MTSS1: variants seen among roughly 807,000 people sequenced by gnomAD.
MTSS1 encodes protein MTSS 1.
In MTSS1, 18 loss-of-function variants were observed where a neutral mutation model predicts 79.0. That is an observed-to-expected ratio of 0.23 (90% CI 0.16 to 0.34). The LOEUF (loss-of-function observed/expected upper bound fraction) is 0.34, where lower values mean the gene tolerates loss of function less well. Among genes scored for constraint, MTSS1 ranks in the 10% least tolerant of loss-of-function variants. MTSS1 has a pLI of 1.00. For missense variants in MTSS1, 815 were observed against 986.2 expected, an observed-to-expected ratio of 0.83 and a Z score of 2.33; for synonymous variants, 341 against 368.6, an observed-to-expected ratio of 0.93 and a Z score of 0.86.
rs571272815 is a variant in MTSS1 at position 124,581,965 on chromosome 8, T to G, written c.460+3122A>C. On this transcript the variant is annotated intron_variant, in intron 6 of 13. Coordinates refer to ENST00000518547, the MANE Select transcript of MTSS1 (RefSeq NM_014751.6). ...GATTATCATGGAGCAGGAAGAGGGC[T>G]CAAGAGACACTGTTCAGAGCCTGGG... is the stretch of plus-strand genomic sequence containing the variant. 1.1e-4 allele frequency among the ~76,000 whole-genome samples: 17 copies of G among 152,182 alleles called. No homozygotes were observed. In the East Asian group the frequency reaches 1.7e-3, roughly 16 times the overall value.
At chr8:124,684,586 T>C (rs1223987610) in intron 3 of MTSS1, among the ~76,000 whole-genome samples, 1 of 152,320 alleles carries the variant, frequency 6.6e-6, no homozygotes, top group South Asian at 2.1e-4. Context: ...AGAAAAGGCA[T>C]ATATTTGACC....
At chr8:124,679,932 T>C (rs139874568) in intron 3 of MTSS1, among the ~76,000 whole-genome samples, 13 of 152,330 alleles carry the variant, frequency 8.5e-5, no homozygotes, top group Non-Finnish European at 7.3e-5. Context: ...GTACCCACTA[T>C]TTTGGGATTT....
At chr8:124,630,803 C>G (rs1007480135) in intron 3 of MTSS1, among the ~76,000 whole-genome samples, 1 of 152,190 alleles carries the variant, frequency 6.6e-6, no homozygotes, top group African/African-American at 2.4e-5. Context: ...AAAAAATGAC[C>G]AGCTGGCTCT....
In MTSS1 at chr8:124,658,678, G is replaced by C. The variant is rs1022903397; in HGVS notation, c.208+40848C>G. Reference sequence around the variant, plus strand: ...CTGAAGCAGGAGGGAGAGACAGAAGGGGGAGGTGCCACACACTTCTAAACA... The same window carrying C: ...CTGAAGCAGGAGGGAGAGACAGAAGCGGGAGGTGCCACACACTTCTAAACA... On this transcript the variant is annotated intron_variant, in intron 3 of 13. Coordinates refer to ENST00000518547, the MANE Select transcript of MTSS1 (RefSeq NM_014751.6). Among the ~76,000 whole-genome samples, 51 of 152,238 alleles carry C rather than the reference G, an allele frequency of 3.4e-4. 1 individual carries two copies. Among genetic ancestry groups the C allele is most frequent in the African/African-American group, 1.1e-3 (47 of 41,560 alleles).
intron 6 of MTSS1, chr8:124,577,716 G>A (rs1829251478): frequency 4.2e-6 from 2 of 475,860 alleles, no homozygotes; most frequent in Middle Eastern, 4.3e-4. Flanking sequence ...CCTGGGCTTA[G>A]CCTCGAAGAA....
chr8:124,622,083 AGAGAGAG>A (rs771504766), intron 3 of MTSS1, among the ~76,000 whole-genome samples: 4 of 151,806 alleles, frequency 2.6e-5, no homozygotes, highest in Admixed American at 6.6e-5. Flanking sequence ...AGAGAGAGAG[AGAGAGAG>A]AGAGAGAATA....
At chr8:124,721,274 C>T (rs13270049) in intron 1 of MTSS1, among the ~76,000 whole-genome samples, 74,844 of 151,252 alleles carry the variant, frequency 0.49, 19,048 homozygotes, top group Middle Eastern at 0.58. Context: ...TAGTGGCTCA[C>T]GTATTTAACA....
chr8:124,699,220 A>C (rs986389843), intron 3 of MTSS1: 1 of 302,938 alleles, frequency 3.3e-6, no homozygotes, highest in African/African-American at 2.2e-5. Context: ...AATTGCAACC[A>C]AAGGCACAGC....
Position 124,597,545 on chromosome 8 carries a change from G to A in MTSS1, c.209-6310C>T, listed in dbSNP as rs1393949198. Among the ~76,000 whole-genome samples the A allele has an allele frequency of 6.6e-6, 1 of 152,218 alleles. No individual in the cohort carries two copies. Among genetic ancestry groups the A allele is most frequent in the African/African-American group, 2.4e-5 (1 of 41,452 alleles). Reference sequence around the variant, plus strand: ...CTGGCAGCGACAGGCAGGACGGTGGGTCCTTCGAGTGGCATTGTCCTGTCC... The same window carrying A: ...CTGGCAGCGACAGGCAGGACGGTGGATCCTTCGAGTGGCATTGTCCTGTCC... On this transcript the variant is annotated intron_variant, in intron 3 of 13. Coordinates refer to ENST00000518547, the MANE Select transcript of MTSS1 (RefSeq NM_014751.6). This position sits in a 1 kb window ranked among gnomAD's most constrained non-coding sequence, Gnocchi z 4.6.
intron 3 of MTSS1, among the ~76,000 whole-genome samples, chr8:124,610,302 C>T (rs1835573771): frequency 6.6e-6 from 1 of 152,134 alleles, no homozygotes; most frequent in Non-Finnish European, 1.5e-5. Flanking sequence ...AGGCTGGAAC[C>T]GGGCCCATTA....
In MTSS1 at chr8:124,574,536, C is replaced by A. The variant is rs565576844; in HGVS notation, c.461-6000G>T. ...CGAGGTTCTTTGTGTTTCCTACTCA[C>A]AGCAAACATGAATGCTGGGAACAAG... On this transcript the variant is annotated intron_variant, in intron 6 of 13. Coordinates refer to ENST00000518547, the MANE Select transcript of MTSS1 (RefSeq NM_014751.6). Among the ~76,000 whole-genome samples the A allele has an allele frequency of 8.5e-5, 13 of 152,278 alleles. No homozygotes were observed. The East Asian group carries it at 1.2e-3, about 14-fold the overall frequency.
chr8:124,655,266 T>C (rs1251690052), intron 3 of MTSS1, among the ~76,000 whole-genome samples: 1 of 152,246 alleles, frequency 6.6e-6, no homozygotes, highest in Non-Finnish European at 1.5e-5. Context: ...GGAGCTTTTG[T>C]TCTCAAAGTC....
At position 124,552,769 on chromosome 8, in the gene MTSS1, T is replaced by G. The variant is rs1822729530; in HGVS notation, c.*223A>C. The stretch of plus-strand genomic sequence containing the variant: ...CAAAAGGGAAACTAAGATTAAAATG[T>G]GCAGAAAGAAAATTGTCAATATTTA... On this transcript the variant is annotated 3_prime_UTR_variant, in exon 14 of 14. Transcript: ENST00000518547. The G allele has an allele frequency of 4.2e-6, 2 of 481,388 alleles. No individual in the cohort carries two copies. Among genetic ancestry groups the G allele is most frequent in the Non-Finnish European group, 3.6e-6 (1 of 276,476 alleles). 29.8% of individuals were successfully genotyped at this position (481,388 alleles called of 1,614,324 possible).
intron 3 of MTSS1, among the ~76,000 whole-genome samples, chr8:124,660,132 C>T (rs1821727719): frequency 6.6e-6 from 1 of 152,130 alleles, no homozygotes; most frequent in South Asian, 2.1e-4. Context: ...TATGCTTGGA[C>T]TTCAAGACAG....
intron 1 of MTSS1, among the ~76,000 whole-genome samples, chr8:124,716,629 G>C (rs888539840): frequency 1.3e-5 from 2 of 152,198 alleles, no homozygotes; most frequent in African/African-American, 4.8e-5. Flanking sequence ...CTGGGATGGA[G>C]CCAGGGAATC....
Position 124,556,472 on chromosome 8 carries a change from T to C in MTSS1, c.1231-67A>G, listed in dbSNP as rs554181662. On this transcript the variant is annotated intron_variant, in intron 11 of 13. Transcript: ENST00000518547. The stretch of plus-strand genomic sequence containing the variant: ...CCACTGGAGGGCTGCGGGGACCCCA[T>C]AGACAGCTCCCCAGAGAAGGCAGCT... 58 of 1,488,400 alleles carry C rather than the reference T, an allele frequency of 3.9e-5. No individual in the cohort carries two copies. The South Asian group carries it at 4.1e-4, about 10-fold the overall frequency. The allele number at this position is 1,488,400 out of a possible 1,614,324, so 92.2% of individuals were successfully genotyped here.
intron 1 of MTSS1, among the ~76,000 whole-genome samples, chr8:124,704,650 T>C (rs1238233749): frequency 2.0e-5 from 3 of 152,140 alleles, no homozygotes; most frequent in Admixed American, 6.5e-5. Context: ...AATCTCAAGA[T>C]TGAAAAATTA....
rs556355017 is a variant in MTSS1 at position 124,622,215 on chromosome 8, T to C, written c.209-30980A>G. ...AAACCAGACACAGAAAGACAAACAC[T>C]GCATGACCTTGCTTGTATGTGATCT... On this transcript the variant is annotated intron_variant, in intron 3 of 13. Coordinates refer to ENST00000518547, the MANE Select transcript of MTSS1 (RefSeq NM_014751.6). 3.9e-5 allele frequency among the ~76,000 whole-genome samples: 6 copies of C among 152,136 alleles called. No homozygotes were observed. The East Asian group carries it at 5.8e-4, about 15-fold the overall frequency.
In MTSS1 at chr8:124,551,190, G is replaced by A. The variant is rs1283410546; in HGVS notation, c.*1802C>T. 6.6e-6 allele frequency: 1 copy of A among 152,544 alleles called. No homozygotes were observed. Among genetic ancestry groups the A allele is most frequent in the Non-Finnish European group, 1.5e-5 (1 of 68,038 alleles). 9.4% of individuals were successfully genotyped at this position (152,544 alleles called of 1,614,324 possible). A position where few individuals can be genotyped will look rare whatever the true frequency, so the allele number is the denominator to read the frequency against. On this transcript the variant is annotated 3_prime_UTR_variant, in exon 14 of 14. Transcript: ENST00000518547. ...CACTTTTATCTATTGTGATTACCTTGCAGCGATTTCTGCTTTTGCAAAAAC... is the reference window on the plus strand; with the variant it reads ...CACTTTTATCTATTGTGATTACCTTACAGCGATTTCTGCTTTTGCAAAAAC...
Sources: gnomAD v4.1 joint callset for allele counts (sites outside exome capture counted in the v4.1 genomes callset) on GRCh38, gnomAD v4.1.1 for gene constraint, Gnocchi (gnomAD v3.1) non-coding constraint, MANE v1.5 for transcripts, NCBI Gene and HGNC (gene_info 2026-07-23, HGNC 2026-07-21) for gene names.